Variants in SCFD2 observed in about 807,000 individuals in gnomAD.
The protein encoded by SCFD2 is sec1 family domain containing 2, also known as sec1 family domain-containing protein 2.
Under a neutral mutation model 58.9 loss-of-function variants are expected in SCFD2, and 54 were observed. That is an observed-to-expected ratio of 0.92 (90% CI 0.74 to 1.15). SCFD2 has a LOEUF of 1.15. Among genes scored for constraint, SCFD2 ranks in the 50% most tolerant of loss-of-function variants. The pLI, the probability that SCFD2 is intolerant of heterozygous loss-of-function variation, is 0.00. For synonymous variants in SCFD2, 321 were observed against 335.9 expected (o/e 0.96, Z 0.49); for missense variants, 805 against 836.6 (o/e 0.96, Z 0.47).
intron 4 of SCFD2, among the ~76,000 whole-genome samples, chr4:53,153,029 A>G (rs1020015616): frequency 1.3e-5 from 2 of 152,182 alleles, no homozygotes; most frequent in African/African-American, 4.8e-5. Flanking sequence ...GGTTGCTGTC[A>G]TGGGTCAGAG....
At chr4:53,262,858 T>C (rs1730868259) in intron 4 of SCFD2, among the ~76,000 whole-genome samples, 1 of 152,198 alleles carries the variant, frequency 6.6e-6, no homozygotes, top group Admixed American at 6.5e-5. Context: ...TCCAAACTCT[T>C]AGATTTCTCT....
intron 4 of SCFD2, among the ~76,000 whole-genome samples, chr4:53,271,293 C>T (rs1394857006): frequency 2.0e-5 from 3 of 151,088 alleles, no homozygotes; most frequent in Admixed American, 1.3e-4. Flanking sequence ...CACATACATA[C>T]ACACATACAA....
chr4:53,365,081 G>T lies in SCFD2; in HGVS notation c.838+23C>A. The T allele has an allele frequency of 6.3e-7, 1 of 1,596,860 alleles. No homozygotes were observed. Among genetic ancestry groups the T allele is most frequent in the South Asian group, 1.1e-5 (1 of 88,694 alleles). ...CAGCAATGTGGGGAATGGTAATGAA[G>T]AACTCCAGAGCAATGCACTTACCTG... is the stretch of plus-strand genomic sequence containing the variant. On this transcript the variant is annotated intron_variant, in intron 1 of 8. Transcript: ENST00000401642. This position sits in a 1 kb window ranked among gnomAD's most constrained non-coding sequence, Gnocchi z 4.3.
intron 4 of SCFD2, among the ~76,000 whole-genome samples, chr4:53,192,608 C>G (rs1475669849): frequency 6.6e-6 from 1 of 152,140 alleles, no homozygotes; most frequent in Non-Finnish European, 1.5e-5. Context: ...GAAAACCCCA[C>G]GAATTGCCAT....
At chr4:52,914,319 G>A (rs1047726795) in intron 6 of SCFD2, among the ~76,000 whole-genome samples, 2 of 152,200 alleles carry the variant, frequency 1.3e-5, no homozygotes, top group Non-Finnish European at 2.9e-5. Context: ...CCTTGGAGGA[G>A]TGCTGGAAGC....
intron 6 of SCFD2, among the ~76,000 whole-genome samples, chr4:52,908,623 T>C (rs1212641787): frequency 1.3e-5 from 2 of 152,242 alleles, no homozygotes; most frequent in African/African-American, 4.8e-5. Context: ...GGATATTTAG[T>C]GTACTGACCT....
chr4:53,284,619 A>G (rs1354269016), intron 3 of SCFD2, among the ~76,000 whole-genome samples: 1 of 152,232 alleles, frequency 6.6e-6, no homozygotes, highest in Non-Finnish European at 1.5e-5. Context: ...CGTTCAACAG[A>G]TAAATAAATA....
chr4:52,876,576 C>T (rs1718479206), intron 8 of SCFD2, among the ~76,000 whole-genome samples: 2 of 151,594 alleles, frequency 1.3e-5, no homozygotes, highest in South Asian at 4.2e-4. Flanking sequence ...ATGGTGAAAC[C>T]CCATCTCTAC....
At chr4:53,073,310 G>A (rs1328954845) in intron 5 of SCFD2, among the ~76,000 whole-genome samples, 1 of 152,034 alleles carries the variant, frequency 6.6e-6, no homozygotes, top group East Asian at 1.9e-4. Context: ...ATCCATAGAA[G>A]GTCCTGGAAC....
chr4:53,124,777 A>T (rs576322363), intron 5 of SCFD2, among the ~76,000 whole-genome samples: 2 of 152,326 alleles, frequency 1.3e-5, no homozygotes, highest in South Asian at 4.1e-4. Flanking sequence ...CATCATAAAA[A>T]TGTCAAAACT....
At chr4:53,144,230 T>TGA (rs951805803) in intron 5 of SCFD2, among the ~76,000 whole-genome samples, 2 of 151,810 alleles carry the variant, frequency 1.3e-5, no homozygotes, top group Non-Finnish European at 2.9e-5. Flanking sequence ...GAGGATCGCT[T>TGA]GAGCCCAGGA....
intron 5 of SCFD2, among the ~76,000 whole-genome samples, chr4:53,075,740 A>G (rs1324680276): frequency 6.6e-6 from 1 of 152,200 alleles, no homozygotes; most frequent in Non-Finnish European, 1.5e-5. Context: ...GCTGTCTTAC[A>G]TGGGGGTAGT....
At chr4:53,277,272 GA>G (rs1220407701) in intron 3 of SCFD2, among the ~76,000 whole-genome samples, 2 of 152,144 alleles carry the variant, frequency 1.3e-5, no homozygotes, top group African/African-American at 4.8e-5. Context: ...ACATTTTTAA[GA>G]AATGATATTC....
Position 53,235,846 on chromosome 4 carries a change from A to G in SCFD2, c.1311+37980T>C, listed in dbSNP as rs139936860. Reference sequence around the variant, plus strand: ...ATACATATGTGTGTATAAGGACAAAAAGGGAAATCTATAACACTAACACTG... The same window carrying G: ...ATACATATGTGTGTATAAGGACAAAGAGGGAAATCTATAACACTAACACTG... On this transcript the variant is annotated intron_variant, in intron 4 of 8. Transcript: ENST00000401642. 2.5e-3 allele frequency among the ~76,000 whole-genome samples: 387 copies of G among 152,348 alleles called. 1 individual carries two copies. Among genetic ancestry groups the G allele is most frequent in the African/African-American group, 8.6e-3 (358 of 41,580 alleles).
chr4:53,335,621 C>T (rs1280121371), intron 2 of SCFD2, among the ~76,000 whole-genome samples: 1 of 152,072 alleles, frequency 6.6e-6, no homozygotes, highest in Non-Finnish European at 1.5e-5. Context: ...GAGTGATGGG[C>T]ATCATGTTAG....
At chr4:52,992,888 G>C (rs1165649075) in intron 5 of SCFD2, among the ~76,000 whole-genome samples, 1 of 152,240 alleles carries the variant, frequency 6.6e-6, no homozygotes, top group East Asian at 1.9e-4. Context: ...ACCCCGTCTG[G>C]GAGGTGTACC....
At chr4:53,305,645 A>G (rs1457592088) in intron 3 of SCFD2, among the ~76,000 whole-genome samples, 1 of 152,164 alleles carries the variant, frequency 6.6e-6, no homozygotes, top group African/African-American at 2.4e-5. Context: ...TGGGTTTATT[A>G]TTATCTCAAT....
chr4:53,201,385 T>C (rs983796817), intron 4 of SCFD2, among the ~76,000 whole-genome samples: 10 of 152,334 alleles, frequency 6.6e-5, no homozygotes, highest in African/African-American at 2.4e-4. Flanking sequence ...TAGTATTCCA[T>C]GGTGTATATG....
chr4:53,055,511 A>G (rs1449602116), intron 5 of SCFD2, among the ~76,000 whole-genome samples: 2 of 152,192 alleles, frequency 1.3e-5, no homozygotes, highest in African/African-American at 4.8e-5. Flanking sequence ...ACAAAACCAC[A>G]TATGAAGCTG....
Sources: gnomAD v4.1 joint callset for allele counts (sites outside exome capture counted in the v4.1 genomes callset) on GRCh38, gnomAD v4.1.1 for gene constraint, Gnocchi (gnomAD v3.1) non-coding constraint, MANE v1.5 for transcripts, NCBI Gene and HGNC (gene_info 2026-07-23, HGNC 2026-07-21) for gene names.